Variants in ZMYM4 observed in about 807,000 individuals in gnomAD.
The protein encoded by ZMYM4 is zinc finger MYM-type containing 4.
Under a neutral mutation model 183.2 loss-of-function variants are expected in ZMYM4, and 31 were observed. The ratio of observed to expected loss-of-function variants is 0.17; its 90% CI spans 0.13 to 0.23. The LOEUF (loss-of-function observed/expected upper bound fraction) is 0.23, where lower values mean the gene tolerates loss of function less well. Among genes scored for constraint, ZMYM4 ranks in the 10% least tolerant of loss-of-function variants. ZMYM4 has a pLI of 1.00. For synonymous variants in ZMYM4, 592 were observed against 631.2 expected (o/e 0.94, Z 0.93); for missense variants, 1,273 against 1,840.3 (o/e 0.69, Z 5.64).
intron 2 of ZMYM4, among the ~76,000 whole-genome samples, chr1:35,329,234 T>C (rs1307802152): frequency 1.3e-5 from 2 of 152,246 alleles, no homozygotes; most frequent in African/African-American, 4.8e-5. Context: ...CAACATTTTA[T>C]GCAGGTGAGA....
chr1:35,368,570 T>C (rs908721686), intron 5 of ZMYM4, among the ~76,000 whole-genome samples: 27 of 152,334 alleles, frequency 1.8e-4, no homozygotes, highest in African/African-American at 6.5e-4. Context: ...GGTGTTTTTT[T>C]CATAAATTAC....
chr1:35,366,378 G>T (rs1393880904), intron 5 of ZMYM4, among the ~76,000 whole-genome samples: 1 of 152,102 alleles, frequency 6.6e-6, no homozygotes, highest in Non-Finnish European at 1.5e-5. Flanking sequence ...AAGAATACAA[G>T]TTGCGGATGT....
At chr1:35,383,946 G>A (rs1030585531) in intron 9 of ZMYM4, among the ~76,000 whole-genome samples, 3 of 150,278 alleles carry the variant, frequency 2.0e-5, no homozygotes, top group Non-Finnish European at 2.9e-5. Context: ...GATGTTTTTA[G>A]GATTATAGAA....
At chr1:35,290,079 C>T (rs1400372843) in intron 1 of ZMYM4, among the ~76,000 whole-genome samples, 1 of 151,696 alleles carries the variant, frequency 6.6e-6, no homozygotes, top group Non-Finnish European at 1.5e-5. Context: ...GTGATTCTCC[C>T]ACCTCAGCCT....
intron 1 of ZMYM4, among the ~76,000 whole-genome samples, chr1:35,286,794 T>TTTTTTTTTTTTTTTTA (rs1196012472): frequency 8.6e-5 from 9 of 104,788 alleles, no homozygotes; most frequent in African/African-American, 4.0e-4. Context: ...TTTTTTTTTT[T>TTTTTTTTTTTTTTTTA]TTTTTTTTTT....
In ZMYM4 at chr1:35,413,950, TTTTC is replaced by T. The variant is rs376499664; in HGVS notation, c.3949-18_3949-15del. 7.6e-7 allele frequency: 1 copy of T among 1,308,462 alleles called. No individual in the cohort carries two copies. 81.1% of individuals were successfully genotyped at this position (1,308,462 alleles called of 1,614,324 possible). On this transcript the variant is annotated intron_variant, in intron 26 of 29. Transcript: ENST00000314607. ...TGTTTTCTTTTTATCAACATGTATA[TTTTC>T]TTTTTTTTTTCTTGTAGTACCTGTT...
At chr1:35,402,190 A>G (rs1644922213) in intron 23 of ZMYM4, among the ~76,000 whole-genome samples, 1 of 151,860 alleles carries the variant, frequency 6.6e-6, no homozygotes, top group Non-Finnish European at 1.5e-5. Flanking sequence ...GAGAATTGAC[A>G]TTTTAGGAAT....
At chr1:35,352,577 ATT>A (rs1643668472) in intron 2 of ZMYM4, among the ~76,000 whole-genome samples, 1 of 151,974 alleles carries the variant, frequency 6.6e-6, no homozygotes, top group Non-Finnish European at 1.5e-5. Flanking sequence ...TTGTACACTC[ATT>A]TTCCCACTGA....
intron 1 of ZMYM4, among the ~76,000 whole-genome samples, chr1:35,309,777 C>T (rs1641707722): frequency 6.6e-6 from 1 of 151,370 alleles, no homozygotes; most frequent in South Asian, 2.1e-4. Flanking sequence ...GAGTAAGACT[C>T]TGTCTTAAAA....
intron 2 of ZMYM4, among the ~76,000 whole-genome samples, chr1:35,355,753 A>G (rs1427235616): frequency 6.6e-6 from 1 of 152,122 alleles, no homozygotes; most frequent in Non-Finnish European, 1.5e-5. Context: ...CTCAAAAATA[A>G]TTCTTCCATA....
intron 2 of ZMYM4, among the ~76,000 whole-genome samples, chr1:35,327,979 G>A (rs191503738): frequency 3.9e-5 from 6 of 152,192 alleles, no homozygotes; most frequent in East Asian, 1.9e-4. Context: ...ACTCACTTTC[G>A]CCAAATAATG....
At chr1:35,348,389 T>C (rs966429187) in intron 2 of ZMYM4, among the ~76,000 whole-genome samples, 1 of 152,252 alleles carries the variant, frequency 6.6e-6, no homozygotes, top group Non-Finnish European at 1.5e-5. Flanking sequence ...CACAAACATT[T>C]CTTGTAGCAT....
chr1:35,380,196 C>T (rs1382464536), intron 7 of ZMYM4, among the ~76,000 whole-genome samples: 1 of 152,070 alleles, frequency 6.6e-6, no homozygotes, highest in Non-Finnish European at 1.5e-5. Context: ...CTTTAAGATA[C>T]AAACATGAGT....
intron 23 of ZMYM4, among the ~76,000 whole-genome samples, chr1:35,402,294 G>C (rs551268889): frequency 2.8e-4 from 43 of 152,168 alleles, no homozygotes; most frequent in African/African-American, 9.6e-4. Context: ...AAGATATTTT[G>C]ATGCTGTTGT....
intron 13 of ZMYM4, among the ~76,000 whole-genome samples, chr1:35,388,169 G>C (rs988560294): frequency 6.6e-6 from 1 of 152,098 alleles, no homozygotes; most frequent in Admixed American, 6.5e-5. Flanking sequence ...CTGTGACCCA[G>C]TATATTTTCA....
intron 2 of ZMYM4, among the ~76,000 whole-genome samples, chr1:35,333,815 G>A (rs991784816): frequency 8.5e-5 from 13 of 152,108 alleles, no homozygotes; most frequent in Non-Finnish European, 1.6e-4. Context: ...TCTGTCTTGA[G>A]TACTTCATAA....
chr1:35,410,461 T>G (rs1303191701), intron 26 of ZMYM4, among the ~76,000 whole-genome samples: 2 of 151,192 alleles, frequency 1.3e-5, no homozygotes, highest in Non-Finnish European at 2.9e-5. Flanking sequence ...AATATATATT[T>G]ATTTATTTAT....
intron 28 of ZMYM4, among the ~76,000 whole-genome samples, chr1:35,416,197 G>A (rs1316298686): frequency 6.6e-6 from 1 of 152,132 alleles, no homozygotes; most frequent in African/African-American, 2.4e-5. Context: ...TAGAATAATA[G>A]CAGTGACAAT....
intron 20 of ZMYM4, 70 bp from the exon 21 acceptor site, chr1:35,398,343 C>T (rs1644844688): frequency 1.5e-6 from 2 of 1,305,704 alleles, no homozygotes; most frequent in South Asian, 1.3e-5. Context: ...GTATATAGTG[C>T]AGTCATTTCA....
Sources: gnomAD v4.1 joint callset for allele counts (sites outside exome capture counted in the v4.1 genomes callset) on GRCh38, gnomAD v4.1.1 for gene constraint, MANE v1.5 for transcripts, NCBI Gene and HGNC (gene_info 2026-07-23, HGNC 2026-07-21) for gene names.